Variants in TYW1 observed in about 807,000 individuals in gnomAD.
The protein encoded by TYW1 is tRNA-yW synthesizing protein 1 homolog.
In TYW1, 46 loss-of-function variants were observed where a neutral mutation model predicts 96.2. That is an observed-to-expected ratio of 0.48 (90% CI 0.38 to 0.61). TYW1 has a LOEUF of 0.61. TYW1 is among the 20% of genes least tolerant of loss of function. The pLI, the probability that TYW1 is intolerant of heterozygous loss-of-function variation, is 0.00. For synonymous variants in TYW1, 274 were observed against 323.0 expected (o/e 0.85, Z 1.63); for missense variants, 684 against 909.6 (o/e 0.75, Z 3.19).
chr7:67,208,647 G>A lies in TYW1; in HGVS notation c.1977+13310G>A, dbSNP rs373506738. On this transcript the variant is annotated intron_variant, in intron 15 of 15. Coordinates refer to ENST00000359626, the MANE Select transcript of TYW1 (RefSeq NM_018264.4). ...GGAGGTTGCAGTGAGCCGAGATCGC[G>A]CCACTGCACTCTAGCCAGGGCAACA... is the stretch of plus-strand genomic sequence containing the variant. Among the ~76,000 whole-genome samples the A allele has an allele frequency of 1.1e-3, 155 of 140,094 alleles. 2 individuals carry two copies. Among genetic ancestry groups the A allele is most frequent in the Middle Eastern group, 4.7e-3 (1 of 214 alleles). The allele number at this position is 140,094 out of a possible 152,430, so 91.9% of individuals were successfully genotyped here.
At chr7:67,207,529 C>T (rs1205069129) in intron 15 of TYW1, among the ~76,000 whole-genome samples, 1 of 152,138 alleles carries the variant, frequency 6.6e-6, no homozygotes. Flanking sequence ...TGATGCCATC[C>T]ATGCTTGGTG....
chr7:67,234,382 A>G (rs948707050), intron 15 of TYW1, among the ~76,000 whole-genome samples: 9 of 151,048 alleles, frequency 6.0e-5, no homozygotes, highest in African/African-American at 1.9e-4. Flanking sequence ...AAGAGACATG[A>G]GAGGGCCCAA....
intron 15 of TYW1, among the ~76,000 whole-genome samples, chr7:67,204,186 C>CT (rs1342399664): frequency 6.6e-6 from 1 of 152,090 alleles, no homozygotes; most frequent in Non-Finnish European, 1.5e-5. Flanking sequence ...TCTCCAGATA[C>CT]TTTTTTCAGC....
At chr7:67,044,090 T>A (rs1795110207) in intron 7 of TYW1, among the ~76,000 whole-genome samples, 1 of 151,198 alleles carries the variant, frequency 6.6e-6, no homozygotes, top group Non-Finnish European at 1.5e-5. Flanking sequence ...CTACTTCATG[T>A]ATAATTAAGC....
At chr7:67,214,344 TTG>T (rs1333613377) in intron 15 of TYW1, among the ~76,000 whole-genome samples, 1 of 152,216 alleles carries the variant, frequency 6.6e-6, no homozygotes, top group Non-Finnish European at 1.5e-5. Context: ...TATATTAACT[TTG>T]TGTCTTACAA....
intron 6 of TYW1, among the ~76,000 whole-genome samples, chr7:67,021,645 A>G (rs1327652263): frequency 6.6e-6 from 1 of 151,398 alleles, no homozygotes; most frequent in Non-Finnish European, 1.5e-5. Context: ...AATCTTTGTG[A>G]GGACCAGGGG....
At chr7:67,157,563 GGT>G (rs1254379161) in intron 13 of TYW1, among the ~76,000 whole-genome samples, 9 of 152,202 alleles carry the variant, frequency 5.9e-5, no homozygotes, top group African/African-American at 1.9e-4. Context: ...TGGGATTACA[GGT>G]GTGAGCCACC....
At chr7:67,048,637 C>T (rs1425490244) in intron 7 of TYW1, among the ~76,000 whole-genome samples, 4 of 152,134 alleles carry the variant, frequency 2.6e-5, no homozygotes, top group African/African-American at 7.2e-5. Context: ...GAATAGAAGA[C>T]CAACATGCTG....
intron 5 of TYW1, 145 bp from the exon 6 acceptor site, chr7:67,017,708 G>A: frequency 9.5e-7 from 1 of 1,057,046 alleles, no homozygotes; most frequent in South Asian, 1.7e-5. Context: ...TTGAAGGCTT[G>A]AAGGTCATTT....
chr7:67,106,945 T>C (rs967598549), intron 12 of TYW1, among the ~76,000 whole-genome samples: 7 of 152,214 alleles, frequency 4.6e-5, no homozygotes, highest in African/African-American at 1.7e-4. Context: ...CACCTTTTCA[T>C]TGAAACTATG....
intron 12 of TYW1, among the ~76,000 whole-genome samples, chr7:67,101,892 A>G (rs745585103): frequency 1.3e-5 from 2 of 152,228 alleles, no homozygotes; most frequent in Non-Finnish European, 2.9e-5. Flanking sequence ...AAAGATATCT[A>G]AGCTATTACT....
At chr7:67,037,343 T>TA (rs1232846747) in intron 7 of TYW1, among the ~76,000 whole-genome samples, 1 of 151,190 alleles carries the variant, frequency 6.6e-6, no homozygotes, top group Admixed American at 6.6e-5. Context: ...TTCTACTAAA[T>TA]AAAAAAAAGA....
intron 15 of TYW1, among the ~76,000 whole-genome samples, chr7:67,219,559 C>G (rs1342961723): frequency 6.6e-6 from 1 of 152,190 alleles, no homozygotes; most frequent in Admixed American, 6.5e-5. Flanking sequence ...GATTTAATCT[C>G]CGTAATAGTT....
rs1489875119 is a variant in TYW1 at position 67,094,654 on chromosome 7, G to GTGTGTA, written c.1385-3882_1385-3881insATGTGT. Among the ~76,000 whole-genome samples, 6 of 68,096 alleles carry GTGTGTA rather than the reference G, an allele frequency of 8.8e-5. No homozygotes were observed. The East Asian group carries it at 2.4e-3, about 28-fold the overall frequency. The allele number at this position is 68,096 out of a possible 152,430, so 44.7% of individuals were successfully genotyped here. ...AGGAAGAGAGAGAGAGAATTAGAGTGTGTGTGTGTGTGTGTGTGTGTGTGT... is the reference window on the plus strand; with the variant it reads ...AGGAAGAGAGAGAGAGAATTAGAGTGTGTGTATGTGTGTGTGTGTGTGTGTGTGTGT... On this transcript the variant is annotated intron_variant, in intron 11 of 15. Coordinates refer to ENST00000359626, the MANE Select transcript of TYW1 (RefSeq NM_018264.4).
intron 8 of TYW1, among the ~76,000 whole-genome samples, chr7:67,052,948 A>C (rs2115571231): frequency 6.6e-6 from 1 of 152,020 alleles, no homozygotes; most frequent in South Asian, 2.1e-4. Flanking sequence ...TTACCGTGTT[A>C]GCCAGGATGG....
At position 67,020,815 on chromosome 7, in the gene TYW1, G is replaced by A. The variant is rs866220852; in HGVS notation, c.861+2672G>A. Among the ~76,000 whole-genome samples the A allele has an allele frequency of 2.0e-5, 3 of 152,292 alleles. No individual in the cohort carries two copies. In the East Asian group the frequency reaches 5.8e-4, roughly 29 times the overall value. ...GAATCCAAGGCAGGCGGATCATGAG[G>A]TTGGGAGTTCGAGACCAGCCTGACC... On this transcript the variant is annotated intron_variant, in intron 6 of 15. Transcript: ENST00000359626.
chr7:67,105,749 G>C (rs1432320238), intron 12 of TYW1, among the ~76,000 whole-genome samples: 1 of 152,162 alleles, frequency 6.6e-6, no homozygotes, highest in Non-Finnish European at 1.5e-5. Flanking sequence ...ATAATGAAAG[G>C]TAAACTGAGA....
intron 15 of TYW1, among the ~76,000 whole-genome samples, chr7:67,222,097 T>C (rs540531363): frequency 1.2e-4 from 18 of 152,152 alleles, no homozygotes; most frequent in African/African-American, 4.3e-4. Flanking sequence ...CTCGGGAGGC[T>C]GAGGCACGAG....
At chr7:67,045,902 C>T (rs1420615277) in intron 7 of TYW1, among the ~76,000 whole-genome samples, 2 of 152,066 alleles carry the variant, frequency 1.3e-5, no homozygotes, top group Non-Finnish European at 2.9e-5. Flanking sequence ...GAAATGAAAC[C>T]CTAGAACTGT....
Sources: gnomAD v4.1 joint callset for allele counts (sites outside exome capture counted in the v4.1 genomes callset) on GRCh38, gnomAD v4.1.1 for gene constraint, MANE v1.5 for transcripts, NCBI Gene and HGNC (gene_info 2026-07-23, HGNC 2026-07-21) for gene names.